The following NAA25 variants were observed in gnomAD, a reference collection of about 807,000 sequenced individuals.
NAA25 encodes the protein N-terminal acetyltransferase B complex subunit NAA25.
In NAA25, 30 loss-of-function variants were observed where a neutral mutation model predicts 132.5. The ratio of observed to expected loss-of-function variants is 0.23; its 90% CI spans 0.17 to 0.31. The LOEUF (loss-of-function observed/expected upper bound fraction) is 0.31. NAA25 is among the 10% of genes least tolerant of loss of function. The pLI is 1.00. For missense variants in NAA25, 771 were observed against 1,150.4 expected (o/e 0.67, Z 4.77); for synonymous variants, 359 against 401.9 (o/e 0.89, Z 1.28).
chr12:112,040,152 A>C, intron 21 of NAA25: 1 of 186,204 alleles, frequency 5.4e-6, no homozygotes, highest in Non-Finnish European at 1.1e-5. Flanking sequence ...ACAACAAATA[A>C]AAGAAGCTGG....
In NAA25 at chr12:112,042,976, C is replaced by T. The variant is rs982327162; in HGVS notation, c.2374+112G>A. 2.3e-5 allele frequency: 24 copies of T among 1,028,764 alleles called. 1 individual carries two copies. The South Asian group carries it at 3.2e-4, about 14-fold the overall frequency. 63.7% of individuals were successfully genotyped at this position (1,028,764 alleles called of 1,614,324 possible). A position where few individuals can be genotyped will look rare whatever the true frequency, so the allele number is the denominator to read the frequency against. On this transcript the variant is annotated intron_variant, in intron 19 of 23. Transcript: ENST00000261745. ...ACTACACCACACATTTGCAGAACAG[C>T]TTCCAGCTTCCATGTACTCTAAAAT...
chr12:112,090,694 A>G, intron 3 of NAA25, 32 bp downstream of exon 3: 1 of 1,593,764 alleles, frequency 6.3e-7, no homozygotes. Flanking sequence ...TTTCAGCTCA[A>G]GTTTAAAAAC....
intron 22 of NAA25, chr12:112,037,630 C>T (rs1205944721): frequency 7.5e-6 from 1 of 133,560 alleles, no homozygotes; most frequent in Non-Finnish European, 1.7e-5. Flanking sequence ...AATCTGAAAT[C>T]ACCAATAATG....
Position 112,093,909 on chromosome 12 carries a change from AT to A in NAA25, c.59-774del, listed in dbSNP as rs140605558. ...AAAAACTTTTTTTTTTAATTTAAAAATTTTTTTCAACAAATAAAAACATTAT... is the reference window on the plus strand; with the variant it reads ...AAAAACTTTTTTTTTTAATTTAAAAATTTTTTCAACAAATAAAAACATTAT... On this transcript the variant is annotated intron_variant, in intron 1 of 23. Coordinates refer to ENST00000261745, the MANE Select transcript of NAA25 (RefSeq NM_024953.4). Among the ~76,000 whole-genome samples the A allele has an allele frequency of 6.1e-3, 919 of 151,776 alleles. 7 individuals are homozygous for A. The highest frequency in any genetic ancestry group is 0.021 in the African/African-American group (885 of 41,370).
intron 5 of NAA25, among the ~76,000 whole-genome samples, chr12:112,079,157 G>A (rs545547017): frequency 3.3e-5 from 5 of 152,288 alleles, no homozygotes; most frequent in South Asian, 2.1e-4. Context: ...TTTACTAGTA[G>A]CTAGTTACCT....
intron 10 of NAA25, among the ~76,000 whole-genome samples, chr12:112,071,397 T>TCTCAGATCACTATAAC (rs1180974727): frequency 6.6e-6 from 1 of 152,166 alleles, no homozygotes; most frequent in Non-Finnish European, 1.5e-5. Context: ...GAAGGCACGA[T>TCTCAGATCACTATAAC]CTCAGATCAC....
At chr12:112,075,618 A>C in intron 8 of NAA25, 60 bp downstream of exon 8, 1 of 1,316,922 alleles carries the variant, frequency 7.6e-7, no homozygotes, top group Non-Finnish European at 1.1e-6. Flanking sequence ...CAAGAAAATC[A>C]ATAGTGAGGT....
intron 14 of NAA25, among the ~76,000 whole-genome samples, chr12:112,054,132 A>C (rs2078509634): frequency 6.6e-6 from 1 of 152,226 alleles, no homozygotes; most frequent in Admixed American, 6.5e-5. Context: ...GTGTGCTAAG[A>C]ATAAGGGTTC....
At chr12:112,085,615 A>G (rs553640066) in intron 4 of NAA25, among the ~76,000 whole-genome samples, 23 of 152,224 alleles carry the variant, frequency 1.5e-4, no homozygotes. Flanking sequence ...CTTTTACTCT[A>G]TCCTTATGAA....
At position 112,108,759 on chromosome 12, in the gene NAA25, G is replaced by A; in HGVS notation, c.15C>T (p.Gly5=). The change falls in exon 1 of 24, where the codon GGC becomes GGT. Residue 5 remains glycine (G), a synonymous_variant. Coordinates refer to ENST00000261745, the MANE Select transcript of NAA25 (RefSeq NM_024953.4). Reference sequence around the variant, plus strand: ...GCCTGTCGTTAGGGTCCTGCACATGGCCCCGCGTCGCCATGATGACAAGCG... The same window carrying A: ...GCCTGTCGTTAGGGTCCTGCACATGACCCCGCGTCGCCATGATGACAAGCG... MATR[G]HVQDPNDRRL... 6.6e-6 allele frequency: 10 copies of A among 1,525,216 alleles called. No homozygotes were observed. The highest frequency in any genetic ancestry group is 2.4e-5 in the South Asian group (2 of 81,812). The allele number at this position is 1,525,216 out of a possible 1,614,324, so 94.5% of individuals were successfully genotyped here.
intron 1 of NAA25, among the ~76,000 whole-genome samples, chr12:112,106,036 T>C (rs2079357454): frequency 6.6e-6 from 1 of 152,118 alleles, no homozygotes. Context: ...ACAACAAAAG[T>C]GTGGAGTTCA....
At chr12:112,031,584 G>A (rs565795865) in intron 23 of NAA25, among the ~76,000 whole-genome samples, 2 of 152,210 alleles carry the variant, frequency 1.3e-5, no homozygotes, top group South Asian at 4.1e-4. Context: ...CCAAGTTAAG[G>A]ATAACCTCTA....
Position 112,054,471 on chromosome 12 carries a change from G to T in NAA25, c.1545C>A (p.Ile515=), listed in dbSNP as rs753439142. The change falls in exon 14 of 24, where the codon ATC becomes ATA. Residue 515 remains isoleucine, a synonymous_variant. Transcript: ENST00000261745. ...NAQFKLLLVR[I]YCMLGAFEPV... ...GTTCAAATGCACCCAGCATACAGTAGATTCGAACAAGCAGCAATTTGAACT... is the reference window on the plus strand; with the variant it reads ...GTTCAAATGCACCCAGCATACAGTATATTCGAACAAGCAGCAATTTGAACT... 4.3e-6 allele frequency: 7 copies of T among 1,614,174 alleles called. No individual in the cohort carries two copies. The South Asian group carries it at 7.7e-5, about 18-fold the overall frequency.
chr12:112,029,804 C>A, intron 23 of NAA25, 151 bp from the exon 24 acceptor site: 2 of 1,114,752 alleles, frequency 1.8e-6, no homozygotes, highest in Non-Finnish European at 2.5e-6. Flanking sequence ...GCATAAAATG[C>A]AAAGAAGGCA....
At chr12:112,068,078 G>C (rs915836603) in intron 11 of NAA25, among the ~76,000 whole-genome samples, 16 of 151,824 alleles carry the variant, frequency 1.1e-4, no homozygotes, top group African/African-American at 3.9e-4. Flanking sequence ...TCACTCTGTC[G>C]CTCAGGCTGG....
In NAA25 at chr12:112,027,354, C is replaced by T. The variant is rs1460975151; in HGVS notation, c.*2177G>A. 3.3e-5 allele frequency: 5 copies of T among 152,066 alleles called. No individual in the cohort carries two copies. The highest frequency in any genetic ancestry group is 4.8e-5 in the African/African-American group (2 of 41,296). The allele number at this position is 152,066 out of a possible 1,614,324, so 9.4% of individuals were successfully genotyped here. On this transcript the variant is annotated 3_prime_UTR_variant, in exon 24 of 24. Coordinates refer to ENST00000261745, the MANE Select transcript of NAA25 (RefSeq NM_024953.4). ...TTTTAACTGTACACAATTTATAGTA[C>T]ATGAGGGTTTCCAAAAGAACAGATT... is the stretch of plus-strand genomic sequence containing the variant.
At position 112,062,139 on chromosome 12, in the gene NAA25, G is replaced by A. The variant is rs553215713; in HGVS notation, c.1150-751C>T. On this transcript the variant is annotated intron_variant, in intron 11 of 23. Coordinates refer to ENST00000261745, the MANE Select transcript of NAA25 (RefSeq NM_024953.4). ...AGGCTGGGTGCAGTGGCTCAGGCCT[G>A]TAATCCTAGCACTTTGGAAGTCCAA... Among the ~76,000 whole-genome samples the A allele has an allele frequency of 3.9e-5, 6 of 152,284 alleles. No individual in the cohort carries two copies. In the East Asian group the frequency reaches 1.2e-3, roughly 29 times the overall value.
chr12:112,048,247 T>C, intron 16 of NAA25, 45 bp downstream of exon 16: 2 of 1,571,772 alleles, frequency 1.3e-6, no homozygotes, highest in Non-Finnish European at 1.7e-6. Context: ...TCTTAACAAC[T>C]GATCTAATCC....
intron 22 of NAA25, chr12:112,035,545 G>C (rs74839799): frequency 2.0e-5 from 3 of 152,124 alleles, no homozygotes; most frequent in Non-Finnish European, 2.9e-5. Context: ...GTGAAGGAGA[G>C]TAGCACCCTC....
Sources: allele counts gnomAD v4.1 joint callset (sites outside exome capture counted in the v4.1 genomes callset), GRCh38; gene constraint gnomAD v4.1.1; transcripts MANE v1.5; gene names NCBI Gene and HGNC (gene_info 2026-07-23, HGNC 2026-07-21).